The following DNAJC11 variants were observed in gnomAD, a reference collection of about 807,000 sequenced individuals.
DNAJC11 encodes DnaJ heat shock protein family (Hsp40) member C11.
Under a neutral mutation model 78.6 loss-of-function variants are expected in DNAJC11, and 15 were observed. The observed-to-expected ratio is 0.19, with a 90% CI of 0.13 to 0.29. The LOEUF (loss-of-function observed/expected upper bound fraction) is 0.29. Among genes scored for constraint, DNAJC11 ranks in the 10% least tolerant of loss-of-function variants. The pLI is 1.00. For missense variants in DNAJC11, 547 were observed against 709.6 expected (o/e 0.77, Z 2.60); for synonymous variants, 292 against 272.1 (o/e 1.07, Z -0.72).
intron 1 of DNAJC11, among the ~76,000 whole-genome samples, chr1:6,694,974 CAAAAAAAAAAAA>C (rs869181454): frequency 6.2e-5 from 2 of 32,116 alleles, no homozygotes; most frequent in South Asian, 1.2e-3. Context: ...GACTCCGAAT[CAAAAAAAAAAAA>C]AAAAAAAAAA....
intron 7 of DNAJC11, among the ~76,000 whole-genome samples, chr1:6,646,366 G>A (rs189731798): frequency 1.3e-5 from 2 of 152,300 alleles, no homozygotes; most frequent in East Asian, 3.9e-4. Context: ...CATACTGCAC[G>A]CTGGAATCAC....
chr1:6,651,366 A>G (rs1642052815), intron 7 of DNAJC11, among the ~76,000 whole-genome samples, 163 bp downstream of exon 7: 1 of 152,218 alleles, frequency 6.6e-6, no homozygotes, highest in Non-Finnish European at 1.5e-5. Context: ...CCACCTGCAC[A>G]CTGCCTGGGC....
intron 6 of DNAJC11, 42 bp downstream of exon 6, chr1:6,652,787 G>C: frequency 6.2e-7 from 1 of 1,613,304 alleles, no homozygotes; most frequent in Non-Finnish European, 8.5e-7. Flanking sequence ...CAGAAATAAG[G>C]CTTTGCACAG....
chr1:6,697,976 C>T (rs1284370911), intron 1 of DNAJC11, among the ~76,000 whole-genome samples: 1 of 152,022 alleles, frequency 6.6e-6, no homozygotes, highest in Non-Finnish European at 1.5e-5. Context: ...ATTTTTAGTA[C>T]AGACGGGGTT....
rs748182246 is a variant in DNAJC11 at position 6,667,920 on chromosome 1, G to A, written c.277-110C>T. On this transcript the variant is annotated intron_variant, in intron 3 of 15. Transcript: ENST00000377577. Reference sequence around the variant, plus strand: ...GGTGTGTGCATGCTGCCTGGGGTCCGGCCACAGCCTTTCCTCAGGAAGGAC... The same window carrying A: ...GGTGTGTGCATGCTGCCTGGGGTCCAGCCACAGCCTTTCCTCAGGAAGGAC... The A allele has an allele frequency of 7.2e-6, 7 of 972,996 alleles. No individual in the cohort carries two copies. In the African/African-American group the frequency reaches 8.0e-5, roughly 11 times the overall value. The allele number at this position is 972,996 out of a possible 1,614,324, so 60.3% of individuals were successfully genotyped here.
At chr1:6,665,459 G>A (rs1223981882) in intron 4 of DNAJC11, among the ~76,000 whole-genome samples, 1 of 152,104 alleles carries the variant, frequency 6.6e-6, no homozygotes, top group Admixed American at 6.5e-5. Context: ...CCTCAGAAAT[G>A]GAAAGAAAGA....
chr1:6,684,209 T>C (rs565105637), intron 1 of DNAJC11, among the ~76,000 whole-genome samples: 3 of 152,166 alleles, frequency 2.0e-5, no homozygotes, highest in Admixed American at 6.5e-5. Context: ...GCCTCCCAAG[T>C]AGCTGGGACT....
At chr1:6,681,707 G>C (rs967720393) in intron 1 of DNAJC11, among the ~76,000 whole-genome samples, 2 of 152,116 alleles carry the variant, frequency 1.3e-5, no homozygotes, top group South Asian at 2.1e-4. Context: ...AACCACAGTG[G>C]GGGGGGCGGG....
At chr1:6,637,540 G>A (rs766799308) in intron 12 of DNAJC11, 36 bp from the exon 13 acceptor site, 1 of 1,612,880 alleles carries the variant, frequency 6.2e-7, no homozygotes, top group South Asian at 1.1e-5. Flanking sequence ...TCAGGGCCCT[G>A]CCAGGCCTGT....
intron 1 of DNAJC11, among the ~76,000 whole-genome samples, chr1:6,695,627 TAAA>T (rs70984004): frequency 8.4e-5 from 7 of 83,004 alleles, no homozygotes; most frequent in South Asian, 5.0e-4. Flanking sequence ...CTATCTCTAC[TAAA>T]AAAAAAAAAA....
chr1:6,643,496 C>G (rs539233235), intron 10 of DNAJC11, among the ~76,000 whole-genome samples: 47 of 152,100 alleles, frequency 3.1e-4, no homozygotes, highest in African/African-American at 1.0e-3. Context: ...AGGATGGTCT[C>G]AATCTCCTGA....
chr1:6,678,288 T>C lies in DNAJC11; in HGVS notation c.276+106A>G, dbSNP rs535832218. The C allele has an allele frequency of 7.9e-5, 95 of 1,208,178 alleles. No individual in the cohort carries two copies. In the African/African-American group the frequency reaches 1.3e-3, roughly 16 times the overall value. 74.8% of individuals were successfully genotyped at this position (1,208,178 alleles called of 1,614,324 possible). A position where few individuals can be genotyped will look rare whatever the true frequency, so the allele number is the denominator to read the frequency against. On this transcript the variant is annotated intron_variant, in intron 3 of 15. Coordinates refer to ENST00000377577, the MANE Select transcript of DNAJC11 (RefSeq NM_018198.4). ...AGGGCAAGGAAGGGGGCTCTAATGG[T>C]TTCAAATATTCCCAAAGACAATATT...
At chr1:6,691,215 C>T (rs1305952220) in intron 1 of DNAJC11, among the ~76,000 whole-genome samples, 4 of 144,010 alleles carry the variant, frequency 2.8e-5, no homozygotes, top group Non-Finnish European at 6.0e-5. Context: ...GCAGGAAGCA[C>T]ATCACCTGTA....
In DNAJC11 at chr1:6,637,408, A is replaced by G. The variant is rs762385218; in HGVS notation, c.1381+39T>C. On this transcript the variant is annotated intron_variant, in intron 13 of 15. Coordinates refer to ENST00000377577, the MANE Select transcript of DNAJC11 (RefSeq NM_018198.4). ...CTCCTTGTGTGGCTTAGAGACCCCC[A>G]GCGCCCACCCTGGACCAAGAGAGGA... is the stretch of plus-strand genomic sequence containing the variant. 4 of 1,613,954 alleles carry G rather than the reference A, an allele frequency of 2.5e-6. No individual in the cohort carries two copies. In the South Asian group the frequency reaches 4.4e-5, roughly 18 times the overall value.
intron 3 of DNAJC11, among the ~76,000 whole-genome samples, chr1:6,673,588 C>G (rs1006968001): frequency 7.9e-5 from 12 of 152,144 alleles, no homozygotes; most frequent in Non-Finnish European, 2.9e-5. Flanking sequence ...TAGCCTGCAC[C>G]CAGGTTCCCC....
chr1:6,669,513 TAGAAAAGAAA>T (rs60740818), intron 3 of DNAJC11, among the ~76,000 whole-genome samples: 18,036 of 121,630 alleles, frequency 0.15, 1,447 homozygotes, highest in Admixed American at 0.22. Context: ...AACTCTGTCT[TAGAAAAGAAA>T]AGAAAAGAAA....
chr1:6,660,161 A>C (rs568278150), intron 4 of DNAJC11, among the ~76,000 whole-genome samples: 29 of 139,916 alleles, frequency 2.1e-4, no homozygotes, highest in Non-Finnish European at 4.0e-4. Flanking sequence ...CTAATATATA[A>C]TTTTTTTTTT....
chr1:6,678,102 G>A (rs568674390), intron 3 of DNAJC11, among the ~76,000 whole-genome samples: 7 of 152,178 alleles, frequency 4.6e-5, no homozygotes, highest in East Asian at 1.9e-4. Context: ...GCTTGCTCCC[G>A]CCCCACACCT....
intron 1 of DNAJC11, 46 bp from the exon 2 acceptor site, chr1:6,681,083 A>C (rs751631984): frequency 1.9e-6 from 3 of 1,560,834 alleles, no homozygotes; most frequent in South Asian, 2.3e-5. Context: ...TGCTACTTAA[A>C]CATTATCATC....
Sources: gnomAD v4.1 joint callset for allele counts (sites outside exome capture counted in the v4.1 genomes callset) on GRCh38, gnomAD v4.1.1 for gene constraint, MANE v1.5 for transcripts, NCBI Gene and HGNC (gene_info 2026-07-23, HGNC 2026-07-21) for gene names.